Variants in SOX15 observed in about 807,000 individuals in gnomAD.
The protein encoded by SOX15 is transcription factor SOX-15.
Under a neutral mutation model 15.9 loss-of-function variants are expected in SOX15, and 12 were observed. The observed-to-expected ratio is 0.75, with a 90% confidence interval of 0.48 to 1.22. The LOEUF (loss-of-function observed/expected upper bound fraction) is 1.22. SOX15 is among the 50% of genes most tolerant of loss of function. The pLI, the probability that SOX15 is intolerant of heterozygous loss-of-function variation, is 0.00. For synonymous variants in SOX15, 149 were observed against 142.8 expected, an observed-to-expected ratio of 1.04 and a Z score of -0.31; for missense variants, 309 against 313.9, an observed-to-expected ratio of 0.98 and a Z score of 0.12.
chr17:7,589,484 G>A lies in SOX15; in HGVS notation c.193C>T (p.Arg65Cys). 1 of 1,613,576 alleles carries A rather than the reference G, an allele frequency of 6.2e-7. No individual in the cohort carries two copies. The highest frequency in any genetic ancestry group is 1.6e-4 in the Middle Eastern group (1 of 6,062). ...AFMVWSSAQR[R>C]QMAQQNPKMH... Reference sequence around the variant, plus strand: ...TTGGGGTTCTGCTGCGCCATCTGGCGGCGCTGAGCGGAGCTCCACACCATG... The same window carrying A: ...TTGGGGTTCTGCTGCGCCATCTGGCAGCGCTGAGCGGAGCTCCACACCATG... Residue 65 changes from arginine (R) to cysteine (C), a missense_variant, in exon 1 of 2, where the codon CGC becomes TGC. Physicochemically the swap from Arg to Cys is radical, Grantham distance 180. Transcript: ENST00000250055.
Position 7,588,351 on chromosome 17 carries a change from G to A in SOX15, c.*27C>T, listed in dbSNP as rs576933057. The A allele has an allele frequency of 5.0e-6, 8 of 1,609,982 alleles. No homozygotes were observed. The highest frequency in any genetic ancestry group is 2.2e-5 in the South Asian group (2 of 90,934). On this transcript the variant is annotated 3_prime_UTR_variant, in exon 2 of 2. Coordinates refer to ENST00000250055, the MANE Select transcript of SOX15 (RefSeq NM_006942.2). ...GGATTAAAAAAGGAGGATGAGGCCC[G>A]TCCCGTGAGGTCTGCGTCCATGAGG...
Position 7,589,558 on chromosome 17 carries a change from G to A in SOX15, c.119C>T (p.Ala40Val), listed in dbSNP as rs575620734. The A allele has an allele frequency of 1.3e-5, 21 of 1,599,924 alleles. No individual in the cohort carries two copies. The highest frequency in any genetic ancestry group is 3.4e-5 in the Admixed American group (2 of 58,252). Residue 40 changes from alanine (A) to valine (V), a missense_variant, in exon 1 of 2, where the codon GCC becomes GTC. Ala to Val is a moderately conservative substitution (Grantham distance 64). Coordinates refer to ENST00000250055, the MANE Select transcript of SOX15 (RefSeq NM_006942.2). ...QEREGAGSPAAPGTLPLEKVK... is the reference protein window; with the variant it reads ...QEREGAGSPAVPGTLPLEKVK... ...CTTCTCCAGGGGCAGCGTCCCGGGG[G>A]CCGCGGGGCTCCCAGCGCCCTCCCG...
In SOX15 at chr17:7,588,202, A is replaced by T; in HGVS notation, c.*176T>A. 1.3e-6 allele frequency: 1 copy of T among 765,840 alleles called. No individual in the cohort carries two copies. Among genetic ancestry groups the T allele is most frequent in the Non-Finnish European group, 2.4e-6 (1 of 417,904 alleles). The allele number at this position is 765,840 out of a possible 1,614,324, so 47.4% of individuals were successfully genotyped here. On this transcript the variant is annotated 3_prime_UTR_variant, in exon 2 of 2. Coordinates refer to ENST00000250055, the MANE Select transcript of SOX15 (RefSeq NM_006942.2). ...GTTGAATAATACAAAACTGTTTAATACTACCAAAAATATAATTGTATGTTG... is the reference window on the plus strand; with the variant it reads ...GTTGAATAATACAAAACTGTTTAATTCTACCAAAAATATAATTGTATGTTG...
In SOX15 at chr17:7,589,688, A is replaced by G. The variant is rs1285743071; in HGVS notation, c.-12T>C. ...CCTGGTAGCGCCATGGGTTGGGAGA[A>G]GCCTTAAGAGGGCGTCCTGAATGCC... On this transcript the variant is annotated 5_prime_UTR_variant, in exon 1 of 2. Transcript: ENST00000250055. The G allele has an allele frequency of 6.6e-7, 1 of 1,520,866 alleles. No individual in the cohort carries two copies. Among genetic ancestry groups the G allele is most frequent in the East Asian group, 2.5e-5 (1 of 40,750 alleles). 94.2% of individuals were successfully genotyped at this position (1,520,866 alleles called of 1,614,324 possible).
chr17:7,588,764 T>C (rs2071625898), intron 1 of SOX15, among the ~76,000 whole-genome samples: 1 of 152,064 alleles, frequency 6.6e-6, no homozygotes, highest in Non-Finnish European at 1.5e-5. Flanking sequence ...TGTTTTCCTC[T>C]TGGGGAGTCA....
intron 1 of SOX15, 30 bp from the exon 2 acceptor site, chr17:7,588,576 A>T: frequency 6.2e-7 from 1 of 1,609,926 alleles, no homozygotes; most frequent in Non-Finnish European, 8.5e-7. Context: ...GTTAGAGGGC[A>T]CTTCCCTGGG....
chr17:7,588,221 T>G lies in SOX15; in HGVS notation c.*157A>C. On this transcript the variant is annotated 3_prime_UTR_variant, in exon 2 of 2. Transcript: ENST00000250055. ...TTTAATACTACCAAAAATATAATTG[T>G]ATGTTGTGCGGCTCTCCCTGGCTAT... The G allele has an allele frequency of 1.3e-6, 1 of 798,224 alleles. No homozygotes were observed. Among genetic ancestry groups the G allele is most frequent in the Non-Finnish European group, 2.3e-6 (1 of 437,660 alleles). 49.4% of individuals were successfully genotyped at this position (798,224 alleles called of 1,614,324 possible). A position where few individuals can be genotyped will look rare whatever the true frequency, so the allele number is the denominator to read the frequency against.
In SOX15 at chr17:7,588,527, C is replaced by T. The variant is rs751051435; in HGVS notation, c.553G>A (p.Glu185Lys). 1 of 1,613,290 alleles carries T rather than the reference C, an allele frequency of 6.2e-7. No individual in the cohort carries two copies. Among genetic ancestry groups the T allele is most frequent in the East Asian group, 2.2e-5 (1 of 44,848 alleles). Residue 185 changes from glutamate to lysine, a missense_variant, in exon 2 of 2, where the codon GAA becomes AAA. Glu to Lys is a moderately conservative substitution (Grantham distance 56, BLOSUM62 1). Coordinates refer to ENST00000250055, the MANE Select transcript of SOX15 (RefSeq NM_006942.2). Reference protein sequence around the residue: ...GSYGSSHCKLEAPSPCSLPQS... With the variant: ...GSYGSSHCKLKAPSPCSLPQS... ...GGGAGGGAGCACGGTGAGGGGGCTT[C>T]CAGTTTGCAGTGGGAAGAGCTGCAG...
intron 1 of SOX15, 130 bp from the exon 2 acceptor site, chr17:7,588,676 C>T (rs2071624763): frequency 9.9e-7 from 1 of 1,014,840 alleles, no homozygotes. Context: ...GCGCAGCAGG[C>T]ATGGAAGCCG....
Position 7,589,584 on chromosome 17 carries a change from C to A in SOX15, c.93G>T (p.Glu31Asp). Residue 31 changes from glutamate to aspartate, a missense_variant, in exon 1 of 2, where the codon GAG (glutamate) becomes GAT (aspartate). Physicochemically the swap from Glu to Asp is conservative, Grantham distance 45. Transcript: ENST00000250055. ...CCGCGGGGCTCCCAGCGCCCTCCCGCTCCTGGGGTCCCGAAGATGAGGAGG... is the reference window on the plus strand; with the variant it reads ...CCGCGGGGCTCCCAGCGCCCTCCCGATCCTGGGGTCCCGAAGATGAGGAGG... Reference protein sequence around the residue: ...AAASSSSGPQEREGAGSPAAP... With the variant: ...AAASSSSGPQDREGAGSPAAP... The A allele has an allele frequency of 6.3e-7, 1 of 1,575,688 alleles. No individual in the cohort carries two copies.
At position 7,588,304 on chromosome 17, in the gene SOX15, G is replaced by C. The variant is rs2071619091; in HGVS notation, c.*74C>G. On this transcript the variant is annotated 3_prime_UTR_variant, in exon 2 of 2. Coordinates refer to ENST00000250055, the MANE Select transcript of SOX15 (RefSeq NM_006942.2). ...AGTCCAACAGGAGAAAGGGTTGACAGCCTGGGGTAGGGGATGCTGCTGGAT... is the reference window on the plus strand; with the variant it reads ...AGTCCAACAGGAGAAAGGGTTGACACCCTGGGGTAGGGGATGCTGCTGGAT... 1 of 1,462,096 alleles carries C rather than the reference G, an allele frequency of 6.8e-7. No individual in the cohort carries two copies. Among genetic ancestry groups the C allele is most frequent in the African/African-American group, 1.4e-5 (1 of 71,992 alleles). 90.6% of individuals were successfully genotyped at this position (1,462,096 alleles called of 1,614,324 possible). A position where few individuals can be genotyped will look rare whatever the true frequency, so the allele number is the denominator to read the frequency against.
At chr17:7,588,911 C>A (rs2071627171) in intron 1 of SOX15, 3 of 591,140 alleles carry the variant, frequency 5.1e-6, no homozygotes, top group South Asian at 4.1e-5. Context: ...GGGTCAGTCA[C>A]CTGACCCTAC....
rs768098035 is a variant in SOX15 at position 7,589,457 on chromosome 17, T to A, written c.220A>T (p.Met74Leu). The A allele has an allele frequency of 1.9e-6, 3 of 1,613,890 alleles. No homozygotes were observed. In the South Asian group the frequency reaches 3.3e-5, roughly 18 times the overall value. ...CGCTTGGAGATCTCGGAGTTGTGCA[T>A]CTTGGGGTTCTGCTGCGCCATCTGG... ...RRQMAQQNPK[M>L]HNSEISKRLG... The change falls in exon 1 of 2, where the codon ATG (methionine) becomes TTG (leucine). Residue 74 changes from methionine to leucine, a missense_variant. Met to Leu is a conservative substitution (Grantham distance 15, BLOSUM62 2). Transcript: ENST00000250055.
rs1172898441 is a variant in SOX15, at chr17:7,589,817, G to A, written c.-141C>T. 4 of 741,786 alleles carry A rather than the reference G, an allele frequency of 5.4e-6. No individual in the cohort carries two copies. Among genetic ancestry groups the A allele is most frequent in the Middle Eastern group, 7.5e-4 (2 of 2,672 alleles). 46.0% of individuals were successfully genotyped at this position (741,786 alleles called of 1,614,324 possible). ...CTTAAAAAGTGTATTTTATCCCCAAGCCCAGAGCTTAAACCGGAGCCTTTG... is the reference window on the plus strand; with the variant it reads ...CTTAAAAAGTGTATTTTATCCCCAAACCCAGAGCTTAAACCGGAGCCTTTG... On this transcript the variant is annotated 5_prime_UTR_variant, in exon 1 of 2. Coordinates refer to ENST00000250055, the MANE Select transcript of SOX15 (RefSeq NM_006942.2).
Position 7,588,504 on chromosome 17 carries a change from G to T in SOX15, c.576C>A (p.Leu192=). ...CKLEAPSPCS[L]PQSDPRLQGE... ...CCTGGAGCCTAGGGTCACTCTGAGG[G>T]AGGGAGCACGGTGAGGGGGCTTCCA... The change falls in exon 2 of 2, where the codon CTC becomes CTA. Residue 192 remains leucine, a synonymous_variant. Coordinates refer to ENST00000250055, the MANE Select transcript of SOX15 (RefSeq NM_006942.2). 6.2e-7 allele frequency: 1 copy of T among 1,613,836 alleles called. No homozygotes were observed. The highest frequency in any genetic ancestry group is 8.5e-7 in the Non-Finnish European group (1 of 1,179,986).
In SOX15 at chr17:7,589,194, A is replaced by C; in HGVS notation, c.483T>G (p.Phe161Leu). ...TCGAGTAGCTGGGGGGTCTGTACCC[A>C]AAGCCTCTGCTCGGTTGGGTGGTCG... ...GYATTQPSRGFGYRPPSYSTA... is the reference protein window; with the variant it reads ...GYATTQPSRGLGYRPPSYSTA... Residue 161 changes from phenylalanine to leucine, a missense_variant, in exon 1 of 2, where the codon TTT becomes TTG. By Grantham distance (22) the Phe-to-Leu change is conservative. Coordinates refer to ENST00000250055, the MANE Select transcript of SOX15 (RefSeq NM_006942.2). 6.5e-7 allele frequency: 1 copy of C among 1,534,126 alleles called. No individual in the cohort carries two copies. Among genetic ancestry groups the C allele is most frequent in the African/African-American group, 1.4e-5 (1 of 72,668 alleles).
In SOX15 at chr17:7,589,449, G is replaced by C. The variant is rs775935874; in HGVS notation, c.228C>G (p.Asn76Lys). 16 of 1,613,808 alleles carry C rather than the reference G, an allele frequency of 9.9e-6. No individual in the cohort carries two copies. Among genetic ancestry groups the C allele is most frequent in the Admixed American group, 5.0e-5 (3 of 60,008 alleles). Residue 76 changes from asparagine (N) to lysine (K), a missense_variant, in exon 1 of 2, where the codon AAC becomes AAG. Physicochemically the swap from Asn to Lys is moderately conservative, Grantham distance 94. Transcript: ENST00000250055. Reference protein sequence around the residue: ...QMAQQNPKMHNSEISKRLGAQ... With the variant: ...QMAQQNPKMHKSEISKRLGAQ... ...CGCCCAGGCGCTTGGAGATCTCGGA[G>C]TTGTGCATCTTGGGGTTCTGCTGCG... is the stretch of plus-strand genomic sequence containing the variant.
rs2071623820 is a variant in SOX15 at position 7,588,604 on chromosome 17, C to T, written c.534-58G>A. ...TCCCTGGGTTGGAGGTGAGTCTGGC[C>T]AGTTCTGGGCAGACAGGGTAGAGCG... On this transcript the variant is annotated intron_variant, in intron 1 of 1. Transcript: ENST00000250055. The T allele has an allele frequency of 6.5e-6, 10 of 1,540,758 alleles. No homozygotes were observed. In the South Asian group the frequency reaches 1.0e-4, roughly 16 times the overall value.
Position 7,588,186 on chromosome 17 carries a change from T to C in SOX15, c.*192A>G, listed in dbSNP as rs778725487. 9.6e-6 allele frequency: 7 copies of C among 730,434 alleles called. No homozygotes were observed. The African/African-American group carries it at 1.0e-4, about 11-fold the overall frequency. 45.2% of individuals were successfully genotyped at this position (730,434 alleles called of 1,614,324 possible). A position where few individuals can be genotyped will look rare whatever the true frequency, so the allele number is the denominator to read the frequency against. On this transcript the variant is annotated 3_prime_UTR_variant, in exon 2 of 2. Coordinates refer to ENST00000250055, the MANE Select transcript of SOX15 (RefSeq NM_006942.2). ...AAAGACTGGAGACTCAGTTGAATAA[T>C]ACAAAACTGTTTAATACTACCAAAA...
Sources: gnomAD v4.1 joint callset for allele counts (sites outside exome capture counted in the v4.1 genomes callset) on GRCh38, gnomAD v4.1.1 for gene constraint, MANE v1.5 for transcripts, NCBI Gene and HGNC (gene_info 2026-07-23, HGNC 2026-07-21) for gene names.